SQLE: variants seen among roughly 807,000 people sequenced by gnomAD.
The protein encoded by SQLE is squalene epoxidase.
SQLE carries 29 observed loss-of-function variants against 60.7 expected under a neutral mutation model. The ratio of observed to expected loss-of-function variants is 0.48; its 90% confidence interval spans 0.36 to 0.65. The LOEUF is 0.65. Ranked by LOEUF, SQLE falls within the 30% of genes least tolerant of loss-of-function variation. The pLI, the probability that SQLE is intolerant of heterozygous loss-of-function variation, is 0.00. For missense variants in SQLE, 605 were observed against 684.1 expected (o/e 0.88, Z 1.29); for synonymous variants, 237 against 246.8 (o/e 0.96, Z 0.37).
In SQLE at chr8:125,022,090, A is replaced by G. The variant is rs957609138; in HGVS notation, c.*145A>G. The G allele has an allele frequency of 2.0e-6, 1 of 492,446 alleles. No homozygotes were observed. Among genetic ancestry groups the G allele is most frequent in the Non-Finnish European group, 3.2e-6 (1 of 309,248 alleles). 30.5% of individuals were successfully genotyped at this position (492,446 alleles called of 1,614,324 possible). ...AAGATTTGGATTAATTTGTTTTTGA[A>G]GTTTTTTGTATATAAATATGTAAAT... On this transcript the variant is annotated 3_prime_UTR_variant, in exon 11 of 11. Coordinates refer to ENST00000265896, the MANE Select transcript of SQLE (RefSeq NM_003129.4).
intron 9 of SQLE, 90 bp downstream of exon 9, chr8:125,018,817 T>A: frequency 1.1e-6 from 1 of 877,616 alleles, no homozygotes; most frequent in Non-Finnish European, 1.7e-6. Flanking sequence ...TGTCCAGAAA[T>A]AAAAATGTTA....
chr8:125,000,173 G>T, intron 1 of SQLE: 2 of 393,682 alleles, frequency 5.1e-6, no homozygotes, highest in Non-Finnish European at 1.0e-5. Context: ...GAGGCATTGG[G>T]CTCAAAGTTC....
intron 7 of SQLE, among the ~76,000 whole-genome samples, chr8:125,013,383 G>A (rs1466150712): frequency 2.5e-5 from 3 of 118,086 alleles, no homozygotes; most frequent in East Asian, 4.9e-4. Context: ...ATGGAGTTTC[G>A]CTCTTGTCGC....
At position 124,999,459 on chromosome 8, in the gene SQLE, ACTT is replaced by A; in HGVS notation, c.58_60del (p.Phe20del). 6.4e-7 allele frequency: 1 copy of A among 1,551,224 alleles called. No individual in the cohort carries two copies. ...ACCTATTTTTATAAGAAGTTCGGGG[ACTT>A]CATCACTTTGGCCAACAGGGAGGTC... On this transcript the variant is annotated inframe_deletion, in exon 1 of 11. Transcript: ENST00000265896.
Position 124,999,655 on chromosome 8 carries a change from C to A in SQLE, c.252C>A (p.Pro84=), listed in dbSNP as rs369114885. ...TTGGCTTCTTCTGGGCCAAATCCCC[C>A]CCTGAATCAGAAAATAAGGAGCAGC... The part of the protein sequence containing the change: ...PFIGFFWAKS[P]PESENKEQLE... The change falls in exon 1 of 11, where the codon CCC becomes CCA. Residue 84 remains proline, a synonymous_variant. Coordinates refer to ENST00000265896, the MANE Select transcript of SQLE (RefSeq NM_003129.4). 3.2e-4 allele frequency: 507 copies of A among 1,608,006 alleles called. No individual in the cohort carries two copies. Among genetic ancestry groups the A allele is most frequent in the Non-Finnish European group, 4.0e-4 (476 of 1,177,058 alleles).
intron 6 of SQLE, 35 bp downstream of exon 6, chr8:125,009,378 G>C: frequency 6.3e-7 from 1 of 1,578,488 alleles, no homozygotes; most frequent in Non-Finnish European, 8.6e-7. Flanking sequence ...TACAAAGGCT[G>C]TGTCTAAAAT....
In SQLE at chr8:125,005,597, T is replaced by G; in HGVS notation, c.617T>G (p.Val206Gly). ...CATGATCAGGAAAGCAAATCAGAGGTTCAGATTCCTTACCCTCTGTCAGAA... is the reference window on the plus strand; with the variant it reads ...CATGATCAGGAAAGCAAATCAGAGGGTCAGATTCCTTACCCTCTGTCAGAA... Reference protein sequence around the residue: ...MIHDQESKSEVQIPYPLSENN... With the variant: ...MIHDQESKSEGQIPYPLSENN... The change falls in exon 3 of 11, where the codon GTT becomes GGT. Residue 206 changes from valine to glycine, a missense_variant. Val to Gly is a moderately radical substitution (Grantham distance 109). Transcript: ENST00000265896. The G allele has an allele frequency of 6.2e-7, 1 of 1,612,026 alleles. No individual in the cohort carries two copies. The highest frequency in any genetic ancestry group is 8.5e-7 in the Non-Finnish European group (1 of 1,178,678).
At position 125,011,642 on chromosome 8, in the gene SQLE, T is replaced by C; in HGVS notation, c.1204+10T>C. ...TCAGTGAAGAAACGAGGTATTATTT[T>C]TTGGGCTTATTTTATAAAGGAATCA... On this transcript the variant is annotated intron_variant, in intron 7 of 10. Transcript: ENST00000265896. 6.4e-7 allele frequency: 1 copy of C among 1,555,580 alleles called. No individual in the cohort carries two copies. The highest frequency in any genetic ancestry group is 1.2e-5 in the South Asian group (1 of 84,248).
At position 125,020,889 on chromosome 8, in the gene SQLE, A is replaced by G; in HGVS notation, c.1532+18A>G. On this transcript the variant is annotated intron_variant, in intron 10 of 10. Coordinates refer to ENST00000265896, the MANE Select transcript of SQLE (RefSeq NM_003129.4). ...CTTTCTGTGTAAGTTGTGATGGCAC[A>G]GAGGATACAAACCTGCCAGATTTTC... 6.3e-7 allele frequency: 1 copy of G among 1,587,054 alleles called. No individual in the cohort carries two copies. The highest frequency in any genetic ancestry group is 8.6e-7 in the Non-Finnish European group (1 of 1,156,152).
intron 3 of SQLE, 88 bp from the exon 4 acceptor site, chr8:125,007,303 T>TCC: frequency 1.0e-6 from 1 of 958,774 alleles, no homozygotes; most frequent in Non-Finnish European, 1.5e-6. Flanking sequence ...GTCCAGTTTA[T>TCC]ATGGATAAAC....
At chr8:125,003,510 G>T in intron 2 of SQLE, 82 bp downstream of exon 2, 5 of 1,439,176 alleles carry the variant, frequency 3.5e-6, no homozygotes, top group South Asian at 3.0e-5. Flanking sequence ...CCAGTAAGAA[G>T]GTATTCCATT....
In SQLE at chr8:125,018,675, TGTC is replaced by T; in HGVS notation, c.1395_1397del (p.Val466del). ...GGGCAAGAAAAACATCTCATTCCTT[TGTC>T]GTGAATATCCTTGCTCAGGCTCTTT... On this transcript the variant is annotated inframe_deletion, in exon 9 of 11. Coordinates refer to ENST00000265896, the MANE Select transcript of SQLE (RefSeq NM_003129.4). 6.2e-7 allele frequency: 1 copy of T among 1,607,284 alleles called. No individual in the cohort carries two copies. The highest frequency in any genetic ancestry group is 8.5e-7 in the Non-Finnish European group (1 of 1,178,280).
chr8:124,998,531 G>A lies in SQLE; in HGVS notation c.-873G>A, dbSNP rs890114226. The A allele has an allele frequency of 1.8e-5, 12 of 666,512 alleles. No homozygotes were observed. The highest frequency in any genetic ancestry group is 1.1e-4 in the Admixed American group (5 of 46,536). The allele number at this position is 666,512 out of a possible 1,614,324, so 41.3% of individuals were successfully genotyped here. ...AGACGCGTGGAGCCTGGCGGCGAGTGGGGGCGTGCGACGGTTACTCTGGTT... is the reference window on the plus strand; with the variant it reads ...AGACGCGTGGAGCCTGGCGGCGAGTAGGGGCGTGCGACGGTTACTCTGGTT... On this transcript the variant is annotated 5_prime_UTR_variant, in exon 1 of 11. Transcript: ENST00000265896.
chr8:125,008,831 T>G, intron 4 of SQLE, 140 bp from the exon 5 acceptor site: 1 of 510,374 alleles, frequency 2.0e-6, no homozygotes, highest in Non-Finnish European at 3.2e-6. Context: ...AACAGTTTCT[T>G]CAATAGTATT....
At chr8:125,020,417 A>T (rs570649844) in intron 9 of SQLE, among the ~76,000 whole-genome samples, 10 of 152,330 alleles carry the variant, frequency 6.6e-5, no homozygotes, top group African/African-American at 2.2e-4. Flanking sequence ...AGTTAGAGAT[A>T]CTGGTTGGAC....
In SQLE at chr8:125,005,703, C is replaced by G. The variant is rs372074936; in HGVS notation, c.723C>G (p.Pro241=). ...MSLRKAAMAE[P]NAKFIEGVVL... is the part of the protein sequence containing the mutation. Reference sequence around the variant, plus strand: ...TCCGGAAAGCAGCTATGGCAGAGCCCAAGTAAGACCACAGTTTCAAATATA... The same window carrying G: ...TCCGGAAAGCAGCTATGGCAGAGCCGAAGTAAGACCACAGTTTCAAATATA... The change falls in exon 3 of 11, where the codon CCC becomes CCG. Residue 241 remains proline, a splice_region_variant and synonymous_variant. Coordinates refer to ENST00000265896, the MANE Select transcript of SQLE (RefSeq NM_003129.4). The G allele has an allele frequency of 2.6e-6, 4 of 1,557,252 alleles. No individual in the cohort carries two copies. In the Admixed American group the frequency reaches 5.5e-5, roughly 21 times the overall value.
At chr8:125,020,045 T>C (rs1234811212) in intron 9 of SQLE, among the ~76,000 whole-genome samples, 3 of 152,218 alleles carry the variant, frequency 2.0e-5, no homozygotes, top group African/African-American at 7.2e-5. Flanking sequence ...GAACTAAATT[T>C]AAGAGTTTTT....
chr8:125,007,865 T>C (rs976894186), intron 4 of SQLE, among the ~76,000 whole-genome samples: 4 of 152,184 alleles, frequency 2.6e-5, no homozygotes, highest in Non-Finnish European at 5.9e-5. Context: ...CATTGTTCTT[T>C]AGAGGACTTC....
Position 125,007,418 on chromosome 8 carries a change from A to G in SQLE, c.753A>G (p.Leu251=). The change falls in exon 4 of 11, where the codon TTA becomes TTG. Residue 251 remains leucine, a synonymous_variant. Transcript: ENST00000265896. The part of the protein sequence containing the change: ...PNAKFIEGVV[L]QLLEEDDVVM... Reference sequence around the variant, plus strand: ...CAAAGTTTATTGAAGGTGTTGTGTTACAGTTATTAGAGGAAGATGATGTTG... The same window carrying G: ...CAAAGTTTATTGAAGGTGTTGTGTTGCAGTTATTAGAGGAAGATGATGTTG... 6.4e-7 allele frequency: 1 copy of G among 1,555,980 alleles called. No homozygotes were observed. Among genetic ancestry groups the G allele is most frequent in the South Asian group, 1.2e-5 (1 of 84,016 alleles).
Sources: allele counts gnomAD v4.1 joint callset (sites outside exome capture counted in the v4.1 genomes callset), GRCh38; gene constraint gnomAD v4.1.1; transcripts MANE v1.5; gene names NCBI Gene and HGNC (gene_info 2026-07-23, HGNC 2026-07-21).